Variants in GRK1 observed in about 807,000 individuals in gnomAD.
The protein encoded by GRK1 is G protein-coupled receptor kinase 1.
In GRK1, 28 loss-of-function variants were observed where a neutral mutation model predicts 41.7. The observed-to-expected ratio is 0.67, with a 90% CI of 0.50 to 0.92. The LOEUF (loss-of-function observed/expected upper bound fraction) is 0.92. GRK1 is among the 40% of genes least tolerant of loss of function. GRK1 has a pLI of 0.00. For synonymous variants in GRK1, 327 were observed against 286.7 expected (o/e 1.14, Z -1.42); for missense variants, 703 against 671.2 (o/e 1.05, Z -0.52).
At chr13:113,662,319 T>G (rs551401340), upstream of GRK1, among the ~76,000 whole-genome samples, 453 of 152,338 alleles carry the variant, frequency 3.0e-3, 3 homozygotes, top group Non-Finnish European at 5.6e-3. Flanking sequence ...CTGTTCAACT[T>G]GATTAAAAGC....
At chr13:113,669,149 C>T (rs2049839751) in intron 1 of GRK1, among the ~76,000 whole-genome samples, 1 of 152,272 alleles carries the variant, frequency 6.6e-6, no homozygotes, top group Admixed American at 6.5e-5. Context: ...AACACCTCCC[C>T]ATGTAAGTGC....
chr13:113,732,127 G>T (rs544869949), intron 5 of GRK1, among the ~76,000 whole-genome samples: 151 of 152,302 alleles, frequency 9.9e-4, no homozygotes, highest in African/African-American at 3.6e-3. Context: ...GCTGCCTCTC[G>T]TTGGACGGAG....
chr13:113,648,901 T>A, the GRK1 span: 1 of 152,624 alleles, frequency 6.6e-6, no homozygotes, highest in Non-Finnish European at 1.5e-5. Context: ...ATATATTTTA[T>A]GTTTACAACT....
At chr13:113,659,759 C>T in the GRK1 span, among the ~76,000 whole-genome samples, 1 of 152,046 alleles carries the variant, frequency 6.6e-6, no homozygotes, top group African/African-American at 2.4e-5. Context: ...CCTATCCTTC[C>T]TTTAACATTG....
At chr13:113,656,297 T>C in the GRK1 span, among the ~76,000 whole-genome samples, 1 of 152,190 alleles carries the variant, frequency 6.6e-6, no homozygotes, top group African/African-American at 2.4e-5. Flanking sequence ...GGCAGGGGTC[T>C]CTGTTCCCCC....
At chr13:113,663,198 C>G (rs924766435), upstream of GRK1, among the ~76,000 whole-genome samples, 1 of 152,152 alleles carries the variant, frequency 6.6e-6, no homozygotes, top group African/African-American at 2.4e-5. Context: ...ACAATATGTG[C>G]AACTGATTTC....
chr13:113,657,574 C>G, the GRK1 span, among the ~76,000 whole-genome samples: 1 of 152,234 alleles, frequency 6.6e-6, no homozygotes, highest in South Asian at 2.1e-4. Context: ...CTGGTTTACT[C>G]CCCACCTCCG....
At chr13:113,650,502 C>A in the GRK1 span, 1 of 1,611,560 alleles carries the variant, frequency 6.2e-7, no homozygotes, top group Non-Finnish European at 8.5e-7. This position sits in a 1 kb window ranked among gnomAD's most constrained non-coding sequence, Gnocchi z 5.0. Flanking sequence ...GCTCGCGGGG[C>A]TGGTCCTGGG....
chr13:113,727,093 A>G (rs1225547567), intron 4 of GRK1, among the ~76,000 whole-genome samples: 2 of 152,186 alleles, frequency 1.3e-5, no homozygotes, highest in Non-Finnish European at 2.9e-5. Context: ...GGTTGGCCTC[A>G]CTTGGGTAGC....
At chr13:113,662,053 T>C in the GRK1 span, among the ~76,000 whole-genome samples, 1 of 152,154 alleles carries the variant, frequency 6.6e-6, no homozygotes, top group East Asian at 1.9e-4. Context: ...CCCTCATGAA[T>C]ATAGATGCAA....
chr13:113,733,837 G>GTGTGTGCA (rs2049970137), intron 6 of GRK1, among the ~76,000 whole-genome samples: 1 of 128,134 alleles, frequency 7.8e-6, no homozygotes, highest in African/African-American at 3.5e-5. Flanking sequence ...GTGTGCACGT[G>GTGTGTGCA]CGTGTGCATG....
the GRK1 span, among the ~76,000 whole-genome samples, chr13:113,655,677 G>T: frequency 1.4e-5 from 2 of 145,946 alleles, no homozygotes; most frequent in African/African-American, 2.5e-5. Context: ...CATTTGCAGG[G>T]AGACACCGGC....
the GRK1 span, chr13:113,649,631 A>G: frequency 1.9e-4 from 265 of 1,366,320 alleles, 2 homozygotes; most frequent in Non-Finnish European, 7.4e-5. This position sits in a 1 kb window ranked among gnomAD's most constrained non-coding sequence, Gnocchi z 4.7. Context: ...AGGTTGGTGC[A>G]GAGAAGCAGC....
chr13:113,659,786 T>C, the GRK1 span, among the ~76,000 whole-genome samples: 1 of 152,022 alleles, frequency 6.6e-6, no homozygotes, highest in Admixed American at 6.5e-5. Flanking sequence ...TTTCTGACTT[T>C]GGAATGTTAG....
At chr13:113,666,332 G>A (rs547912767), upstream of GRK1, among the ~76,000 whole-genome samples, 15 of 148,366 alleles carry the variant, frequency 1.0e-4, no homozygotes, top group African/African-American at 3.7e-4. Context: ...CAGGTCTCAG[G>A]TGTGCCCCAG....
At chr13:113,657,416 G>A in the GRK1 span, among the ~76,000 whole-genome samples, 4 of 152,220 alleles carry the variant, frequency 2.6e-5, no homozygotes, top group African/African-American at 9.7e-5. Flanking sequence ...AGACGCAGAC[G>A]CTTCCACCAC....
In GRK1 at chr13:113,668,172, C is replaced by T. The variant is rs1253662487; in HGVS notation, c.699+87C>T. 4.4e-5 allele frequency: 61 copies of T among 1,379,540 alleles called. 1 individual carries two copies. The South Asian group carries it at 5.9e-4, about 13-fold the overall frequency. 85.5% of individuals were successfully genotyped at this position (1,379,540 alleles called of 1,614,324 possible). ...GTGCAGAGGGCCCCCAGGTCACTGT[C>T]GGCTCCGGGGCCCTTAACAGCTGGT... is the stretch of plus-strand genomic sequence containing the variant. On this transcript the variant is annotated intron_variant, in intron 1 of 6. Coordinates refer to ENST00000335678, the MANE Select transcript of GRK1 (RefSeq NM_002929.3).
At chr13:113,653,101 T>TCCTGCCCTGG in the GRK1 span, 3 of 1,594,910 alleles carry the variant, frequency 1.9e-6, no homozygotes, top group Non-Finnish European at 2.6e-6. Flanking sequence ...GCCAGCCCTG[T>TCCTGCCCTGG]CCTGCCCTGG....
upstream of GRK1, among the ~76,000 whole-genome samples, chr13:113,665,973 C>T (rs2049815545): frequency 7.1e-6 from 1 of 140,954 alleles, no homozygotes; most frequent in African/African-American, 2.7e-5. Flanking sequence ...CCAGGTGTGC[C>T]CCAGGTGCAT....
Sources: allele counts gnomAD v4.1 joint callset (sites outside exome capture counted in the v4.1 genomes callset), GRCh38; gene constraint gnomAD v4.1.1; non-coding constraint Gnocchi (gnomAD v3.1); transcripts MANE v1.5; gene names NCBI Gene and HGNC (gene_info 2026-07-23, HGNC 2026-07-21).